The following DIAPH2 variants were observed in gnomAD, a reference collection of about 807,000 sequenced individuals.
DIAPH2 encodes the protein diaphanous related formin 2.
Under a neutral mutation model 92.7 loss-of-function variants are expected in DIAPH2, and 35 were observed. The ratio of observed to expected loss-of-function variants is 0.38; its 90% CI spans 0.29 to 0.50. The LOEUF is 0.50. Among genes scored for constraint, DIAPH2 ranks in the 20% least tolerant of loss-of-function variants. The pLI, the probability that DIAPH2 is intolerant of heterozygous loss-of-function variation, is 0.94. For missense variants in DIAPH2, 701 were observed against 819.5 expected, an observed-to-expected ratio of 0.86 and a Z score of 1.77; for synonymous variants, 301 against 280.4, an observed-to-expected ratio of 1.07 and a Z score of -0.73.
At chrX:97,482,886 G>A (rs1360898776) in intron 26 of DIAPH2, among the ~76,000 whole-genome samples, 1 of 111,659 alleles carries the variant, frequency 9.0e-6, no homozygotes, top group Non-Finnish European at 1.9e-5. Flanking sequence ...TCAGAGGCAT[G>A]TGGCCCAGTT....
intron 16 of DIAPH2, among the ~76,000 whole-genome samples, chrX:96,960,465 A>C (rs1003698122): frequency 2.7e-5 from 3 of 111,005 alleles, no homozygotes; most frequent in African/African-American, 9.8e-5. Context: ...TGTATCCTCC[A>C]ACTTACTGAA....
intron 25 of DIAPH2, among the ~76,000 whole-genome samples, chrX:97,416,577 A>G (rs994041192): frequency 3.6e-5 from 4 of 112,124 alleles, no homozygotes; most frequent in Non-Finnish European, 5.6e-5. Flanking sequence ...GGTGTACATG[A>G]GTAGAGCTCA....
chrX:97,217,374 A>C (rs1476045021), intron 22 of DIAPH2, among the ~76,000 whole-genome samples: 2 of 111,609 alleles, frequency 1.8e-5, no homozygotes, highest in Admixed American at 9.5e-5. Flanking sequence ...CACCTGCTGC[A>C]GTAAGAAAGG....
At chrX:97,185,325 G>A (rs866835028) in intron 22 of DIAPH2, among the ~76,000 whole-genome samples, 115 of 4,897 alleles carry the variant, frequency 0.023, 13 homozygotes, top group Middle Eastern at 0.11. Context: ...ATATATATAT[G>A]TGTATATATA....
chrX:97,499,850 C>T (rs1214588920), intron 26 of DIAPH2, among the ~76,000 whole-genome samples: 2 of 112,505 alleles, frequency 1.8e-5, no homozygotes, highest in Non-Finnish European at 3.8e-5. Flanking sequence ...AGAAATCCCA[C>T]ATTAATGTGA....
chrX:97,288,318 G>A (rs1191827669), intron 23 of DIAPH2, among the ~76,000 whole-genome samples: 1 of 111,506 alleles, frequency 9.0e-6, no homozygotes, highest in Non-Finnish European at 1.9e-5. Flanking sequence ...TTACTTGGCA[G>A]ACGTGGAAGC....
At chrX:96,881,846 A>G in intron 5 of DIAPH2, 128 bp downstream of exon 5, 1 of 670,058 alleles carries the variant, frequency 1.5e-6, no homozygotes, top group Non-Finnish European at 2.2e-6. Context: ...TTAATAAAAC[A>G]GCAGCATCTG....
chrX:96,850,557 C>A, intron 4 of DIAPH2, among the ~76,000 whole-genome samples: 1 of 111,982 alleles, frequency 8.9e-6, no homozygotes, highest in Middle Eastern at 4.6e-3. Flanking sequence ...TGCTTCATAG[C>A]CATTGTGTGA....
intron 26 of DIAPH2, among the ~76,000 whole-genome samples, chrX:97,592,023 T>C (rs6620311): frequency 0.45 from 49,523 of 110,895 alleles, 8,474 homozygotes; most frequent in Non-Finnish European, 0.55. Flanking sequence ...GAAATGCCCA[T>C]GTTATCAATT....
chrX:97,556,350 T>C (rs1402654269), intron 26 of DIAPH2, among the ~76,000 whole-genome samples: 2 of 112,247 alleles, frequency 1.8e-5, no homozygotes, highest in African/African-American at 6.5e-5. Context: ...AAAAATGTAT[T>C]GGGTGCTGTA....
At chrX:97,106,385 A>T (rs1276284443) in intron 20 of DIAPH2, among the ~76,000 whole-genome samples, 1 of 111,498 alleles carries the variant, frequency 9.0e-6, no homozygotes, top group Non-Finnish European at 1.9e-5. Context: ...TCTCAAATAC[A>T]TGTATTTATA....
At chrX:97,351,781 C>T (rs1018452449) in intron 24 of DIAPH2, among the ~76,000 whole-genome samples, 3 of 110,003 alleles carry the variant, frequency 2.7e-5, no homozygotes, top group Admixed American at 9.7e-5. Flanking sequence ...CCAGCCTGGG[C>T]GACAGAGAGA....
At chrX:97,598,377 A>G (rs950293662) in intron 26 of DIAPH2, among the ~76,000 whole-genome samples, 3 of 112,113 alleles carry the variant, frequency 2.7e-5, no homozygotes, top group African/African-American at 9.7e-5. Flanking sequence ...GTAAAGTGTT[A>G]GCATTTATGT....
chrX:96,921,375 C>T (rs1056691016), intron 9 of DIAPH2, among the ~76,000 whole-genome samples: 4 of 111,437 alleles, frequency 3.6e-5, no homozygotes, highest in South Asian at 7.5e-4. Flanking sequence ...TAGCATTCTC[C>T]GGTCTCTTTT....
At chrX:96,788,067 T>C (rs962819339) in intron 4 of DIAPH2, among the ~76,000 whole-genome samples, 1 of 110,517 alleles carries the variant, frequency 9.0e-6, no homozygotes, top group Non-Finnish European at 1.9e-5. Context: ...AAAGTATATC[T>C]TGATAAAATG....
At chrX:96,796,505 C>G (rs1173492137) in intron 4 of DIAPH2, among the ~76,000 whole-genome samples, 3 of 111,686 alleles carry the variant, frequency 2.7e-5, no homozygotes, top group Non-Finnish European at 5.7e-5. Context: ...TCCTATCTGT[C>G]CTTTGTTCCT....
chrX:97,473,945 G>A (rs904784630), intron 26 of DIAPH2, among the ~76,000 whole-genome samples: 14 of 112,396 alleles, frequency 1.2e-4, no homozygotes, highest in African/African-American at 4.5e-4. Flanking sequence ...AGGCGGCAAA[G>A]GGAGACTGTC....
chrX:97,101,731 G>A (rs912576945), intron 20 of DIAPH2, among the ~76,000 whole-genome samples: 1 of 112,005 alleles, frequency 8.9e-6, no homozygotes. Flanking sequence ...AATGTTTATG[G>A]AATTGAATTA....
chrX:97,181,456 G>A (rs2067538894), intron 22 of DIAPH2, among the ~76,000 whole-genome samples: 1 of 111,610 alleles, frequency 9.0e-6, no homozygotes. Flanking sequence ...TTGTTGCCCA[G>A]GCTGGAGTGC....
Sources: gnomAD v4.1 joint callset for allele counts (sites outside exome capture counted in the v4.1 genomes callset) on GRCh38, gnomAD v4.1.1 for gene constraint, MANE v1.5 for transcripts, NCBI Gene and HGNC (gene_info 2026-07-23, HGNC 2026-07-21) for gene names.